Variants in CPQ observed in about 807,000 individuals in gnomAD.
CPQ encodes Ser-Met dipeptidase.
In CPQ, 37 loss-of-function variants were observed where a neutral mutation model predicts 45.7. That is an observed-to-expected ratio of 0.81 (90% confidence interval 0.62 to 1.07). The LOEUF is 1.07. Ranked by LOEUF, CPQ falls within the 50% of genes least tolerant of loss-of-function variation. The pLI is 0.00. For synonymous variants in CPQ, 186 were observed against 205.8 expected (o/e 0.90, Z 0.82); for missense variants, 537 against 572.9 (o/e 0.94, Z 0.64).
chr8:96,900,581 C>G (rs1812501137), intron 4 of CPQ, among the ~76,000 whole-genome samples: 1 of 152,172 alleles, frequency 6.6e-6, no homozygotes, highest in Non-Finnish European at 1.5e-5. Context: ...AACTCTATTT[C>G]CTCATGTAGC....
chr8:96,950,274 T>A (rs1377509576), intron 4 of CPQ, among the ~76,000 whole-genome samples: 1 of 152,154 alleles, frequency 6.6e-6, no homozygotes, highest in Non-Finnish European at 1.5e-5. Context: ...GAAATTTGTT[T>A]TAATTATGCA....
At chr8:96,782,823 T>C (rs1810706660) in intron 1 of CPQ, among the ~76,000 whole-genome samples, 1 of 152,212 alleles carries the variant, frequency 6.6e-6, no homozygotes, top group Admixed American at 6.5e-5. Flanking sequence ...TATTCTAGTT[T>C]ATCACTCTTA....
intron 4 of CPQ, among the ~76,000 whole-genome samples, chr8:96,926,570 C>CT (rs1563530774): frequency 4.5e-4 from 21 of 46,666 alleles, no homozygotes; most frequent in African/African-American, 1.9e-3. Context: ...CTTCCTCTTC[C>CT]TCTTCCTCTT....
chr8:96,778,912 A>G (rs981639432), intron 1 of CPQ, among the ~76,000 whole-genome samples: 4 of 152,010 alleles, frequency 2.6e-5, no homozygotes, highest in Admixed American at 2.6e-4. Flanking sequence ...TGAAAATACA[A>G]AAATTAGCTG....
chr8:96,798,550 C>T (rs1810965611), intron 2 of CPQ, among the ~76,000 whole-genome samples: 1 of 152,192 alleles, frequency 6.6e-6, no homozygotes, highest in Non-Finnish European at 1.5e-5. Flanking sequence ...CCTTGTGCTT[C>T]AGCCACATGG....
chr8:96,887,242 T>C (rs1391278388), intron 4 of CPQ, among the ~76,000 whole-genome samples: 1 of 152,218 alleles, frequency 6.6e-6, no homozygotes. Context: ...AATTTTAGAC[T>C]CACAGCTATT....
intron 1 of CPQ, among the ~76,000 whole-genome samples, chr8:96,772,302 C>CTATA (rs1251204286): frequency 6.6e-6 from 1 of 151,886 alleles, no homozygotes; most frequent in African/African-American, 2.4e-5. Flanking sequence ...GATTAACTGA[C>CTATA]TATAGAGTTG....
At chr8:96,894,805 GA>G (rs1192416918) in intron 4 of CPQ, among the ~76,000 whole-genome samples, 3 of 152,106 alleles carry the variant, frequency 2.0e-5, no homozygotes, top group African/African-American at 7.2e-5. Context: ...TCCATGTTTT[GA>G]AAACTTTAGT....
intron 7 of CPQ, among the ~76,000 whole-genome samples, chr8:97,080,103 T>C (rs1293426281): frequency 6.6e-6 from 1 of 152,174 alleles, no homozygotes; most frequent in East Asian, 1.9e-4. Flanking sequence ...GTCTTGCTGA[T>C]TGACTGCATG....
intron 5 of CPQ, among the ~76,000 whole-genome samples, chr8:97,024,808 C>T (rs1345039433): frequency 3.3e-5 from 5 of 152,118 alleles, no homozygotes; most frequent in Non-Finnish European, 7.3e-5. Context: ...GAATATAAAT[C>T]TCTTTAAGTG....
intron 7 of CPQ, among the ~76,000 whole-genome samples, chr8:97,113,027 G>A (rs145018796): frequency 7.0e-4 from 107 of 152,298 alleles, no homozygotes; most frequent in African/African-American, 2.5e-3. Context: ...TAGTCATGCT[G>A]CCCTGGGAGT....
At position 96,862,201 on chromosome 8, in the gene CPQ, G is replaced by A. The variant is rs777094839; in HGVS notation, c.642-17597G>A. Among the ~76,000 whole-genome samples the A allele has an allele frequency of 7.6e-4, 116 of 151,962 alleles. 1 individual carries two copies. Among genetic ancestry groups the A allele is most frequent in the Non-Finnish European group, 1.5e-3 (103 of 67,950 alleles). ...TCCCAGCCCTTCCGCTTATGCATAC[G>A]GGACCATGCCTAGGTTGCTTAACCT... is the stretch of plus-strand genomic sequence containing the variant. On this transcript the variant is annotated intron_variant, in intron 3 of 7. Transcript: ENST00000220763.
chr8:96,867,028 T>C (rs193008689), intron 3 of CPQ, among the ~76,000 whole-genome samples: 4 of 152,176 alleles, frequency 2.6e-5, no homozygotes, highest in Admixed American at 6.5e-5. Context: ...TGCCCAACAG[T>C]CCCTAACACT....
Position 97,108,352 on chromosome 8 carries a change from T to A in CPQ, c.1256-34668T>A, listed in dbSNP as rs144426095. Among the ~76,000 whole-genome samples, 50 of 152,298 alleles carry A rather than the reference T, an allele frequency of 3.3e-4. 1 individual carries two copies. The East Asian group carries it at 9.3e-3, about 28-fold the overall frequency. ...GCAGCTCCTACTGGCCTTTTGAATGTTTTTCTTGATTTAGGAGTCTGGGGG... is the reference window on the plus strand; with the variant it reads ...GCAGCTCCTACTGGCCTTTTGAATGATTTTCTTGATTTAGGAGTCTGGGGG... On this transcript the variant is annotated intron_variant, in intron 7 of 7. Coordinates refer to ENST00000220763, the MANE Select transcript of CPQ (RefSeq NM_016134.4).
intron 1 of CPQ, among the ~76,000 whole-genome samples, chr8:96,765,756 C>T (rs1034187412): frequency 1.5e-4 from 23 of 152,152 alleles, no homozygotes; most frequent in African/African-American, 5.5e-4. Context: ...CAGTATTATT[C>T]AGAGACAGCA....
chr8:96,907,442 A>C (rs1045552270), intron 4 of CPQ, among the ~76,000 whole-genome samples: 1 of 152,160 alleles, frequency 6.6e-6, no homozygotes, highest in Non-Finnish European at 1.5e-5. Flanking sequence ...TGCCTAAGTG[A>C]AGGGGAGGCT....
chr8:97,079,182 T>C (rs1270971175), intron 7 of CPQ, among the ~76,000 whole-genome samples: 1 of 152,148 alleles, frequency 6.6e-6, no homozygotes, highest in African/African-American at 2.4e-5. Context: ...TTTTTCTTTA[T>C]AATGTGGGGA....
At chr8:97,136,413 A>G (rs903761321) in intron 7 of CPQ, among the ~76,000 whole-genome samples, 1 of 152,246 alleles carries the variant, frequency 6.6e-6, no homozygotes, top group Non-Finnish European at 1.5e-5. Flanking sequence ...TATAACAACT[A>G]TAATAAAGAA....
intron 7 of CPQ, among the ~76,000 whole-genome samples, chr8:97,097,803 A>G (rs541906307): frequency 6.7e-6 from 1 of 148,156 alleles, no homozygotes; most frequent in East Asian, 2.0e-4. Flanking sequence ...TTGCCCAGAC[A>G]AGGAGAGAGA....
Sources: allele counts gnomAD v4.1 joint callset (sites outside exome capture counted in the v4.1 genomes callset), GRCh38; gene constraint gnomAD v4.1.1; transcripts MANE v1.5; gene names NCBI Gene and HGNC (gene_info 2026-07-23, HGNC 2026-07-21).